Variants in CACNA1C observed in about 807,000 individuals in gnomAD.
CACNA1C encodes calcium voltage-gated channel subunit alpha1 C.
A neutral mutation model predicts 229.0 loss-of-function variants in CACNA1C; 30 were observed. The ratio of observed to expected loss-of-function variants is 0.13; its 90% CI spans 0.10 to 0.18. The LOEUF is 0.18. CACNA1C is among the 10% of genes least tolerant of loss of function. The probability of loss-of-function intolerance (pLI) is 1.00; values close to 1 mark genes in which losing one functional copy is unlikely to be tolerated. For synonymous variants in CACNA1C, 1,114 were observed against 1,132.5 expected (o/e 0.98, Z 0.33); for missense variants, 1,658 against 2,845.0 (o/e 0.58, Z 9.49).
intron 3 of CACNA1C, among the ~76,000 whole-genome samples, chr12:2,447,226 A>C (rs2099306094): frequency 6.6e-6 from 1 of 152,080 alleles, no homozygotes; most frequent in African/African-American, 2.4e-5. Context: ...ACATCACCTG[A>C]CTTTAAAAGA....
intron 3 of CACNA1C, among the ~76,000 whole-genome samples, chr12:2,412,892 G>T (rs2098823959): frequency 6.6e-6 from 1 of 152,184 alleles, no homozygotes; most frequent in Non-Finnish European, 1.5e-5. Context: ...ACTGAGAAAA[G>T]ACTCTGAAAA....
At chr12:2,323,001 T>C (rs1030840021) in intron 3 of CACNA1C, among the ~76,000 whole-genome samples, 1 of 152,186 alleles carries the variant, frequency 6.6e-6, no homozygotes, top group Non-Finnish European at 1.5e-5. Context: ...GGTCCAGCCC[T>C]GGTCTCTGAA....
rs527671740 is a variant in CACNA1C at position 2,651,422 on chromosome 12, G to A, written c.3946-218G>A. The A allele has an allele frequency of 4.8e-5, 29 of 600,992 alleles. No homozygotes were observed. The highest frequency in any genetic ancestry group is 3.5e-4 in the African/African-American group (19 of 53,862). The allele number at this position is 600,992 out of a possible 1,614,324, so 37.2% of individuals were successfully genotyped here. On this transcript the variant is annotated intron_variant, in intron 31 of 46. Transcript: ENST00000399655. The surrounding 1 kb of genome is among the most constrained non-coding windows in gnomAD (Gnocchi z 5.4). ...TAAAAACACAGGACCACAGCCCAGC[G>A]GCCTGGGCACAGTCTAGCTCTGCAG...
intron 1 of CACNA1C, among the ~76,000 whole-genome samples, chr12:2,045,973 G>A (rs553613738): frequency 6.6e-6 from 1 of 151,864 alleles, no homozygotes; most frequent in African/African-American, 2.4e-5. Flanking sequence ...CAGAAGATGA[G>A]GAGGCAAGGT....
chr12:2,569,746 A>G (rs562797340), intron 13 of CACNA1C, among the ~76,000 whole-genome samples: 2 of 152,334 alleles, frequency 1.3e-5, no homozygotes, highest in Non-Finnish European at 2.9e-5. Context: ...TAATGCTGCT[A>G]TGAACATTCA....
intron 3 of CACNA1C, among the ~76,000 whole-genome samples, chr12:2,265,466 T>TG (rs375139328): frequency 2.3e-4 from 35 of 152,064 alleles, no homozygotes; most frequent in African/African-American, 8.0e-4. Flanking sequence ...TACTGCAGAG[T>TG]GGGGGGCTGG....
chr12:2,612,953 CA>C (rs1017850485), intron 29 of CACNA1C: 1 of 152,238 alleles, frequency 6.6e-6, no homozygotes, highest in Non-Finnish European at 1.5e-5. Context: ...AGACTTGAGA[CA>C]ATCTCTCCAG....
At chr12:2,178,520 C>T (rs1356113211) in intron 3 of CACNA1C, among the ~76,000 whole-genome samples, 1 of 152,178 alleles carries the variant, frequency 6.6e-6, no homozygotes, top group Non-Finnish European at 1.5e-5. Context: ...ATCAATGCTC[C>T]TGTGTCTGGA....
At chr12:2,261,405 T>G (rs2080166702) in intron 3 of CACNA1C, among the ~76,000 whole-genome samples, 1 of 152,244 alleles carries the variant, frequency 6.6e-6, no homozygotes, top group African/African-American at 2.4e-5. Context: ...TCATATCTGC[T>G]CTGTCATTCA....
At chr12:2,405,304 T>C (rs1464653149) in intron 3 of CACNA1C, among the ~76,000 whole-genome samples, 1 of 152,178 alleles carries the variant, frequency 6.6e-6, no homozygotes, top group Non-Finnish European at 1.5e-5. Context: ...CGTGCATGTA[T>C]AGTTCTGTGT....
At chr12:2,686,395 C>A in intron 45 of CACNA1C, 126 bp downstream of exon 45, 1 of 811,344 alleles carries the variant, frequency 1.2e-6, no homozygotes, top group Non-Finnish European at 2.2e-6. Flanking sequence ...CGTCCTGCCC[C>A]TGCCCTAAGA....
chr12:2,481,504 C>G (rs923079791), intron 5 of CACNA1C, among the ~76,000 whole-genome samples: 4 of 152,216 alleles, frequency 2.6e-5, no homozygotes, highest in Non-Finnish European at 5.9e-5. Context: ...GCCGGCTAAA[C>G]TCCATCCTCC....
At chr12:2,243,270 G>A (rs2071408472) in intron 3 of CACNA1C, among the ~76,000 whole-genome samples, 1 of 152,214 alleles carries the variant, frequency 6.6e-6, no homozygotes, top group African/African-American at 2.4e-5. Context: ...TGGAAGCAGG[G>A]ATGAAGTCTA....
chr12:2,565,311 C>CA (rs1177547265), intron 11 of CACNA1C, among the ~76,000 whole-genome samples: 12 of 151,558 alleles, frequency 7.9e-5, no homozygotes, highest in East Asian at 5.8e-4. Flanking sequence ...ACTAAAAATA[C>CA]AAAAAATTAG....
At chr12:2,687,279 T>A (rs1002403176) in intron 45 of CACNA1C, among the ~76,000 whole-genome samples, 1 of 152,210 alleles carries the variant, frequency 6.6e-6, no homozygotes, top group African/African-American at 2.4e-5. Flanking sequence ...TTTCTAGAAG[T>A]CGATTTCACC....
At chr12:2,112,394 G>T (rs2082099194) in intron 1 of CACNA1C, among the ~76,000 whole-genome samples, 1 of 152,182 alleles carries the variant, frequency 6.6e-6, no homozygotes, top group Non-Finnish European at 1.5e-5. Context: ...CGAGTTACAG[G>T]AGAGATGAGA....
At chr12:2,404,200 C>T (rs2098710052) in intron 3 of CACNA1C, among the ~76,000 whole-genome samples, 1 of 152,218 alleles carries the variant, frequency 6.6e-6, no homozygotes, top group Admixed American at 6.5e-5. Context: ...CCGGGAAACT[C>T]GAGCCGTGTC....
chr12:2,444,502 CT>C (rs1424186313), intron 3 of CACNA1C, among the ~76,000 whole-genome samples: 1 of 152,078 alleles, frequency 6.6e-6, no homozygotes, highest in African/African-American at 2.4e-5. Context: ...AGCCTCTGCC[CT>C]TTTCTCTTTA....
chr12:2,032,817 G>T (rs1426778737), intron 1 of CACNA1C, among the ~76,000 whole-genome samples: 2 of 152,200 alleles, frequency 1.3e-5, no homozygotes, highest in African/African-American at 4.8e-5. Context: ...TAGAGAACAT[G>T]AATGCGGCTT....
Sources: gnomAD v4.1 joint callset for allele counts (sites outside exome capture counted in the v4.1 genomes callset) on GRCh38, gnomAD v4.1.1 for gene constraint, Gnocchi (gnomAD v3.1) non-coding constraint, MANE v1.5 for transcripts, NCBI Gene and HGNC (gene_info 2026-07-23, HGNC 2026-07-21) for gene names.